KLHL38: variants seen among roughly 807,000 people sequenced by gnomAD.
KLHL38 encodes the protein kelch-like protein 38.
KLHL38 carries 38 observed loss-of-function variants against 39.6 expected under a neutral mutation model. The ratio of observed to expected loss-of-function variants is 0.96; its 90% confidence interval spans 0.74 to 1.26. KLHL38 has a LOEUF of 1.26. KLHL38 is among the 50% of genes most tolerant of loss of function. The pLI, the probability that KLHL38 is intolerant of heterozygous loss-of-function variation, is 0.00. For synonymous variants in KLHL38, 322 were observed against 302.2 expected, an observed-to-expected ratio of 1.07 and a Z score of -0.68; for missense variants, 803 against 748.1, an observed-to-expected ratio of 1.07 and a Z score of -0.86.
rs1812677217 is a variant in KLHL38 at position 123,652,689 on chromosome 8, T to C, written c.238A>G (p.Ile80Val). Reference protein sequence around the residue: ...KSEAKVQLKGIDPPTLDQIVS... With the variant: ...KSEAKVQLKGVDPPTLDQIVS... ...ATCTGGTCCAGGGTTGGGGGGTCAA[T>C]GCCTTTCAGCTGCACTTTGGCTTCA... Residue 80 changes from isoleucine to valine, a missense_variant, in exon 2 of 4, where the codon ATT (isoleucine) becomes GTT (valine). Ile to Val is a conservative substitution (Grantham distance 29, BLOSUM62 3). Coordinates refer to ENST00000684634, the MANE Select transcript of KLHL38 (RefSeq NM_001081675.3). 2 of 1,614,182 alleles carry C rather than the reference T, an allele frequency of 1.2e-6. No homozygotes were observed. Among genetic ancestry groups the C allele is most frequent in the Non-Finnish European group, 1.7e-6 (2 of 1,180,030 alleles).
At position 123,652,862 on chromosome 8, in the gene KLHL38, CTCAACAAG is replaced by C. The variant is rs1458027264; in HGVS notation, c.57_64del (p.Asp19GlufsTer14). Reference sequence around the variant, plus strand: ...GCTTTGCCTTAAGCTGTTGAGCTGCCTCAACAAGTCAGAAGAGAAGTCGTGGTCTTTGA... The same window carrying C: ...GCTTTGCCTTAAGCTGTTGAGCTGCCTCAGAAGAGAAGTCGTGGTCTTTGA... On this transcript the variant is annotated frameshift_variant, in exon 2 of 4. Transcript: ENST00000684634. LOFTEE classifies it high-confidence loss of function. 15 of 1,607,022 alleles carry C rather than the reference CTCAACAAG, an allele frequency of 9.3e-6. No homozygotes were observed. The highest frequency in any genetic ancestry group is 1.2e-5 in the Non-Finnish European group (14 of 1,179,994).
Position 123,652,752 on chromosome 8 carries a change from A to C in KLHL38, c.175T>G (p.Phe59Val). 2 of 1,614,180 alleles carry C rather than the reference A, an allele frequency of 1.2e-6. No individual in the cohort carries two copies. Among genetic ancestry groups the C allele is most frequent in the South Asian group, 1.1e-5 (1 of 91,080 alleles). Residue 59 changes from phenylalanine (F) to valine (V), a missense_variant, in exon 2 of 4, where the codon TTC becomes GTC. Physicochemically the swap from Phe to Val is conservative, Grantham distance 50 (BLOSUM62 -1). Transcript: ENST00000684634. ...AAGCTGCTGCAGAACATAGCCCTGA[A>C]GTAGGGGCTGCTGGAGGCCAGCACG... ...RNVLASSSPY[F>V]RAMFCSSFRE... is the part of the protein sequence containing the mutation.
intron 2 of KLHL38, among the ~76,000 whole-genome samples, chr8:123,650,933 C>T (rs1350788033): frequency 6.6e-6 from 1 of 152,302 alleles, no homozygotes; most frequent in Admixed American, 6.5e-5. Context: ...TTAGAAGCAC[C>T]TGCCAAATTC....
rs1812672704 is a variant in KLHL38, at chr8:123,652,500, A to G, written c.427T>C (p.Ser143Pro). ...PSNCLGMIRLSEILSCETLKK... is the reference protein window; with the variant it reads ...PSNCLGMIRLPEILSCETLKK... ...AGGGTCTCGCAGCTTAAGATTTCTG[A>G]GAGTCTGATCATACCCAGGCAGTTG... The change falls in exon 2 of 4, where the codon TCA (serine) becomes CCA (proline). Residue 143 changes from serine to proline, a missense_variant. Ser to Pro is a moderately conservative substitution (Grantham distance 74, BLOSUM62 -1). Coordinates refer to ENST00000684634, the MANE Select transcript of KLHL38 (RefSeq NM_001081675.3). The G allele has an allele frequency of 6.2e-7, 1 of 1,614,036 alleles. No homozygotes were observed. The highest frequency in any genetic ancestry group is 1.3e-5 in the African/African-American group (1 of 74,918).
At chr8:123,651,544 G>A in intron 2 of KLHL38, 33 bp downstream of exon 2, 1 of 1,535,778 alleles carries the variant, frequency 6.5e-7, no homozygotes, top group Non-Finnish European at 8.7e-7. Flanking sequence ...ACATACTCAT[G>A]CAGTTACGTG....
chr8:123,652,518 G>A lies in KLHL38; in HGVS notation c.409C>T (p.Leu137=), dbSNP rs1812673074. 1 of 1,614,102 alleles carries A rather than the reference G, an allele frequency of 6.2e-7. No homozygotes were observed. The highest frequency in any genetic ancestry group is 8.5e-7 in the Non-Finnish European group (1 of 1,180,046). Residue 137 remains leucine, a synonymous_variant, in exon 2 of 4, where the codon CTG becomes TTG. Transcript: ENST00000684634. ...ATTTCTGAGAGTCTGATCATACCCA[G>A]GCAGTTGCTGGGGGCCAACTGGCTC... The part of the protein sequence containing the change: ...LQSQLAPSNC[L]GMIRLSEILS...
chr8:123,652,246 G>T lies in KLHL38; in HGVS notation c.681C>A (p.Ile227=), dbSNP rs1221585985. Residue 227 remains isoleucine, a synonymous_variant, in exon 2 of 4, where the codon ATC becomes ATA. Transcript: ENST00000684634. ...TGAAGTGGTGAAAGAAGGCTGGGTG[G>T]ATGTACTGCAGCCTGACCTGCTTGA... The part of the protein sequence containing the change: ...ELFKQVRLQY[I]HPAFFHHFIA... 2 of 1,614,152 alleles carry T rather than the reference G, an allele frequency of 1.2e-6. No individual in the cohort carries two copies. The highest frequency in any genetic ancestry group is 2.2e-5 in the South Asian group (2 of 91,072).
At position 123,646,913 on chromosome 8, in the gene KLHL38, C is replaced by T. The variant is rs1818673399; in HGVS notation, c.1452G>A (p.Val484=). ...TGATCCTCTGTTCAGACTCACCTCCCACAATGACAATCCGCTCCCCAAGCA... is the reference window on the plus strand; with the variant it reads ...TGATCCTCTGTTCAGACTCACCTCCTACAATGACAATCCGCTCCCCAAGCA... ...AVVLGERIVI[V]GGYTRRILAY... is the part of the protein sequence containing the mutation. Residue 484 remains valine (V), a synonymous_variant, in exon 3 of 4, where the codon GTG becomes GTA. Coordinates refer to ENST00000684634, the MANE Select transcript of KLHL38 (RefSeq NM_001081675.3). 1 of 1,610,278 alleles carries T rather than the reference C, an allele frequency of 6.2e-7. No individual in the cohort carries two copies. Among genetic ancestry groups the T allele is most frequent in the Non-Finnish European group, 8.5e-7 (1 of 1,177,612 alleles).
rs1285333943 is a variant in KLHL38, at chr8:123,645,688, T to A, written c.*51A>T. ...TAAGCCCTTTGGAGCTGGGTTTGTGTCCCTGGCGACAGAAGGCATTTTGAC... is the reference window on the plus strand; with the variant it reads ...TAAGCCCTTTGGAGCTGGGTTTGTGACCCTGGCGACAGAAGGCATTTTGAC... On this transcript the variant is annotated 3_prime_UTR_variant, in exon 4 of 4. Coordinates refer to ENST00000684634, the MANE Select transcript of KLHL38 (RefSeq NM_001081675.3). 3 of 1,592,446 alleles carry A rather than the reference T, an allele frequency of 1.9e-6. No individual in the cohort carries two copies. Among genetic ancestry groups the A allele is most frequent in the Middle Eastern group, 2.0e-4 (1 of 5,096 alleles).
Position 123,645,473 on chromosome 8 carries a change from G to T in KLHL38, c.*266C>A, listed in dbSNP as rs924854843. Reference sequence around the variant, plus strand: ...AAAGAGAGAGAGAGAGAGAGAGAGAGAGAGAGACAGACAGAGATAGGGGAG... The same window carrying T: ...AAAGAGAGAGAGAGAGAGAGAGAGATAGAGAGACAGACAGAGATAGGGGAG... On this transcript the variant is annotated 3_prime_UTR_variant, in exon 4 of 4. Transcript: ENST00000684634. 4 of 499,170 alleles carry T rather than the reference G, an allele frequency of 8.0e-6. No homozygotes were observed. Among genetic ancestry groups the T allele is most frequent in the African/African-American group, 2.1e-5 (1 of 48,696 alleles). The allele number at this position is 499,170 out of a possible 1,614,324, so 30.9% of individuals were successfully genotyped here.
Position 123,651,881 on chromosome 8 carries a change from A to G in KLHL38, c.1046T>C (p.Val349Ala), listed in dbSNP as rs1226325182. 8 of 1,614,140 alleles carry G rather than the reference A, an allele frequency of 5.0e-6. No individual in the cohort carries two copies. Among genetic ancestry groups the G allele is most frequent in the Non-Finnish European group, 6.8e-6 (8 of 1,179,976 alleles). ...GMAVSSGRSL[V>A]SHNVYIFSLK... Reference sequence around the variant, plus strand: ...GGAGAAGATGTAGACATTGTGACTGACCAGACTCCTCCCTGAGCTGACAGC... The same window carrying G: ...GGAGAAGATGTAGACATTGTGACTGGCCAGACTCCTCCCTGAGCTGACAGC... Residue 349 changes from valine (V) to alanine (A), a missense_variant, in exon 2 of 4, where the codon GTC becomes GCC. Val to Ala is a moderately conservative substitution (Grantham distance 64). Coordinates refer to ENST00000684634, the MANE Select transcript of KLHL38 (RefSeq NM_001081675.3).
chr8:123,653,273 G>A (rs1426174642), intron 1 of KLHL38, among the ~76,000 whole-genome samples: 2 of 152,184 alleles, frequency 1.3e-5, no homozygotes, highest in Non-Finnish European at 2.9e-5. Flanking sequence ...ACAGTCCATG[G>A]ATTTGACCAG....
chr8:123,646,950 G>A lies in KLHL38; in HGVS notation c.1415C>T (p.Ala472Val), dbSNP rs759302302. The A allele has an allele frequency of 1.9e-6, 3 of 1,613,808 alleles. No homozygotes were observed. The highest frequency in any genetic ancestry group is 2.2e-5 in the South Asian group (2 of 91,034). Residue 472 changes from alanine (A) to valine (V), a missense_variant, in exon 3 of 4, where the codon GCC becomes GTC. Coordinates refer to ENST00000684634, the MANE Select transcript of KLHL38 (RefSeq NM_001081675.3). ...CCGCTCCCCAAGCACCACTGCAGGG[G>A]CACACACGTTCTTGATCATTCTTGT... ...METRMIKNVC[A>V]PAVVLGERIV...
At chr8:123,651,233 G>A (rs932365501) in intron 2 of KLHL38, among the ~76,000 whole-genome samples, 14 of 152,116 alleles carry the variant, frequency 9.2e-5, no homozygotes, top group Non-Finnish European at 1.2e-4. Context: ...ATTTGTGTTC[G>A]TGCATATGTA....
Position 123,651,601 on chromosome 8 carries a change from C to T in KLHL38, c.1326G>A (p.Met442Ile). The T allele has an allele frequency of 2.5e-6, 4 of 1,596,588 alleles. No individual in the cohort carries two copies. The highest frequency in any genetic ancestry group is 3.4e-6 in the Non-Finnish European group (4 of 1,173,820). ...CCTGGATAAGGCGCACAGGGTTCTG[C>T]ATGATGTCCTCTCCTCCAAAGAGAT... The part of the protein sequence containing the change: ...RLYLFGGEDI[M>I]QNPVRLIQVY... Residue 442 changes from methionine (M) to isoleucine (I), a missense_variant, in exon 2 of 4, where the codon ATG becomes ATA. Coordinates refer to ENST00000684634, the MANE Select transcript of KLHL38 (RefSeq NM_001081675.3).
At chr8:123,650,806 A>G (rs1426251791) in intron 2 of KLHL38, among the ~76,000 whole-genome samples, 1 of 152,166 alleles carries the variant, frequency 6.6e-6, no homozygotes, top group Non-Finnish European at 1.5e-5. Context: ...CATACATTTT[A>G]GGATCTCACA....
rs1554587921 is a variant in KLHL38 at position 123,645,698 on chromosome 8, CA to C, written c.*40del. On this transcript the variant is annotated 3_prime_UTR_variant, in exon 4 of 4. Transcript: ENST00000684634. The stretch of plus-strand genomic sequence containing the variant: ...GGAGCTGGGTTTGTGTCCCTGGCGA[CA>C]GAAGGCATTTTGACTAGGGCAGAAG... 2.5e-6 allele frequency: 4 copies of C among 1,600,944 alleles called. No individual in the cohort carries two copies. Among genetic ancestry groups the C allele is most frequent in the Non-Finnish European group, 3.4e-6 (4 of 1,171,504 alleles).
Position 123,645,473 on chromosome 8 carries a change from G to GAGAGAGAA in KLHL38, c.*265_*266insTTCTCTCT. The GAGAGAGAA allele has an allele frequency of 1.0e-5, 5 of 499,282 alleles. No homozygotes were observed. In the East Asian group the frequency reaches 1.3e-4, roughly 13 times the overall value. The allele number at this position is 499,282 out of a possible 1,614,324, so 30.9% of individuals were successfully genotyped here. A position where few individuals can be genotyped will look rare whatever the true frequency, so the allele number is the denominator to read the frequency against. ...AAAGAGAGAGAGAGAGAGAGAGAGA[G>GAGAGAGAA]AGAGAGACAGACAGAGATAGGGGAG... On this transcript the variant is annotated 3_prime_UTR_variant, in exon 4 of 4. Transcript: ENST00000684634.
At position 123,645,716 on chromosome 8, in the gene KLHL38, G is replaced by A. The variant is rs1341876074; in HGVS notation, c.*23C>T. Reference sequence around the variant, plus strand: ...CTGGCGACAGAAGGCATTTTGACTAGGGCAGAAGGTTTCTTGTCGACCTCA... The same window carrying A: ...CTGGCGACAGAAGGCATTTTGACTAAGGCAGAAGGTTTCTTGTCGACCTCA... On this transcript the variant is annotated 3_prime_UTR_variant, in exon 4 of 4. Transcript: ENST00000684634. 2 of 1,609,836 alleles carry A rather than the reference G, an allele frequency of 1.2e-6. No individual in the cohort carries two copies. Among genetic ancestry groups the A allele is most frequent in the African/African-American group, 2.7e-5 (2 of 74,806 alleles).
Sources: allele counts gnomAD v4.1 joint callset (sites outside exome capture counted in the v4.1 genomes callset), GRCh38; gene constraint gnomAD v4.1.1; transcripts MANE v1.5; gene names NCBI Gene and HGNC (gene_info 2026-07-23, HGNC 2026-07-21).